TLE3: variants seen among roughly 807,000 people sequenced by gnomAD.
TLE3 encodes transducin-like enhancer protein 3.
Under a neutral mutation model 93.0 loss-of-function variants are expected in TLE3, and 14 were observed. The observed-to-expected ratio is 0.15, with a 90% CI of 0.10 to 0.24. The LOEUF is 0.24. Among genes scored for constraint, TLE3 ranks in the 10% least tolerant of loss-of-function variants. The probability of loss-of-function intolerance (pLI) is 1.00; values close to 1 mark genes in which losing one functional copy is unlikely to be tolerated. For synonymous variants in TLE3, 451 were observed against 425.0 expected (o/e 1.06, Z -0.75); for missense variants, 693 against 1,046.6 (o/e 0.66, Z 4.66).
intron 4 of TLE3, among the ~76,000 whole-genome samples, chr15:70,078,610 C>A (rs2057575191): frequency 6.6e-6 from 1 of 152,246 alleles, no homozygotes; most frequent in African/African-American, 2.4e-5. Flanking sequence ...CCAGCATGGG[C>A]AGCATCTGTG....
chr15:70,095,751 G>C (rs1264632044), intron 2 of TLE3, 110 bp from the exon 3 acceptor site: 25 of 1,357,828 alleles, frequency 1.8e-5, no homozygotes, highest in Non-Finnish European at 2.5e-5. Context: ...CACCCCCCCG[G>C]GGGCGCCCCC....
intron 17 of TLE3, chr15:70,052,974 A>T: frequency 2.1e-5 from 10 of 471,600 alleles, no homozygotes; most frequent in South Asian, 1.7e-4. Context: ...GACGCCGAGG[A>T]CAAAGTGCTC....
chr15:70,096,205 G>A lies in TLE3; in HGVS notation c.81C>T (p.Asp27=), dbSNP rs762722522. ...GGAACTGGAATTCGTCTTTGATCCT[G>A]TCACAAGACTCAGCCACCGTGAATT... ...GFKFTVAESC[D]RIKDEFQFLQ... is the part of the protein sequence containing the mutation. Residue 27 remains aspartate (D), a synonymous_variant, in exon 2 of 20, where the codon GAC becomes GAT. Transcript: ENST00000451782. 5.8e-6 allele frequency: 9 copies of A among 1,562,136 alleles called. No homozygotes were observed. In the East Asian group the frequency reaches 7.2e-5, roughly 12 times the overall value.
Position 70,093,739 on chromosome 15 carries a change from T to C in TLE3, c.234+793A>G, listed in dbSNP as rs533770024. Among the ~76,000 whole-genome samples the C allele has an allele frequency of 2.6e-5, 4 of 152,348 alleles. No homozygotes were observed. In the South Asian group the frequency reaches 8.3e-4, roughly 32 times the overall value. ...AAAGGGTGTTTGTATTTGCTCGGTT[T>C]GAGGTATACTGTTATTAGAAGAGTG... On this transcript the variant is annotated intron_variant, in intron 4 of 19. Transcript: ENST00000451782.
chr15:70,094,784 T>C, intron 3 of TLE3: 1 of 557,462 alleles, frequency 1.8e-6, no homozygotes, highest in Non-Finnish European at 3.2e-6. Flanking sequence ...GAACGTTATA[T>C]TATGTGGTAG....
In TLE3 at chr15:70,048,743, AC is replaced by A. The variant is rs1040605480; in HGVS notation, c.*1353del. On this transcript the variant is annotated 3_prime_UTR_variant, in exon 20 of 20. Coordinates refer to ENST00000451782, the MANE Select transcript of TLE3 (RefSeq NM_001105192.3). ...TGGCACCTGCCAGAGGCGATAGTCT[AC>A]CTAACCTGTTTGGGCCACAAGAGAC... The A allele has an allele frequency of 1.3e-5, 2 of 152,086 alleles. No homozygotes were observed. Among genetic ancestry groups the A allele is most frequent in the Non-Finnish European group, 2.9e-5 (2 of 68,028 alleles). The allele number at this position is 152,086 out of a possible 1,614,324, so 9.4% of individuals were successfully genotyped here.
intron 4 of TLE3, among the ~76,000 whole-genome samples, chr15:70,091,188 A>G (rs1318462808): frequency 6.6e-6 from 1 of 152,248 alleles, no homozygotes; most frequent in Non-Finnish European, 1.5e-5. Flanking sequence ...ACTTACAGGA[A>G]AGGTTGTTCA....
At chr15:70,077,302 T>C (rs2057494954) in intron 4 of TLE3, among the ~76,000 whole-genome samples, 1 of 152,204 alleles carries the variant, frequency 6.6e-6, no homozygotes, top group Admixed American at 6.5e-5. Flanking sequence ...GAATTGCTTT[T>C]CTTATCTCAT....
intron 1 of TLE3, 186 bp from the exon 2 acceptor site, chr15:70,096,447 G>C: frequency 4.1e-6 from 5 of 1,215,682 alleles, no homozygotes; most frequent in Admixed American, 5.6e-5. Flanking sequence ...CGTCGGCAGC[G>C]GGGCTCCCAT....
intron 1 of TLE3, 29 bp from the exon 2 acceptor site, chr15:70,096,290 G>A: frequency 1.3e-6 from 2 of 1,549,950 alleles, no homozygotes; most frequent in Admixed American, 2.0e-5. Context: ...AGACAGGGGA[G>A]GGGGCGGGGG....
At chr15:70,072,665 C>T (rs2057245742) in intron 6 of TLE3, among the ~76,000 whole-genome samples, 1 of 152,230 alleles carries the variant, frequency 6.6e-6, no homozygotes, top group Non-Finnish European at 1.5e-5. Context: ...CTTCCCCTCT[C>T]TGTAAAACAA....
intron 3 of TLE3, 84 bp from the exon 4 acceptor site, chr15:70,094,660 G>T: frequency 9.7e-7 from 1 of 1,028,638 alleles, no homozygotes; most frequent in Non-Finnish European, 1.4e-6. Flanking sequence ...GAAAGGTTTT[G>T]GCCAAATCAT....
intron 14 of TLE3, 62 bp downstream of exon 14, chr15:70,056,236 G>C (rs2056014284): frequency 6.5e-7 from 1 of 1,535,024 alleles, no homozygotes; most frequent in East Asian, 2.2e-5. Flanking sequence ...GTTGGAATTG[G>C]GGGTAGAGTG....
Position 70,049,362 on chromosome 15 carries a change from C to T in TLE3, c.*735G>A, listed in dbSNP as rs901886478. 1 of 152,254 alleles carries T rather than the reference C, an allele frequency of 6.6e-6. No homozygotes were observed. Among genetic ancestry groups the T allele is most frequent in the Non-Finnish European group, 1.5e-5 (1 of 68,056 alleles). The allele number at this position is 152,254 out of a possible 1,614,324, so 9.4% of individuals were successfully genotyped here. A position where few individuals can be genotyped will look rare whatever the true frequency, so the allele number is the denominator to read the frequency against. ...CAGTCTGGCCGGCTGGTTATCAGTC[C>T]GGATGCCCAGACCCGTGTGGAGGCA... On this transcript the variant is annotated 3_prime_UTR_variant, in exon 20 of 20. Transcript: ENST00000451782.
At chr15:70,059,575 C>A in intron 9 of TLE3, 115 bp from the exon 10 acceptor site, 1 of 976,748 alleles carries the variant, frequency 1.0e-6, no homozygotes, top group Non-Finnish European at 1.5e-6. Context: ...AGGCCAAACC[C>A]CAAAGTCCAT....
At position 70,055,070 on chromosome 15, in the gene TLE3, G is replaced by T. The variant is rs751485225; in HGVS notation, c.1557C>A (p.Pro519=). ...TCACCAGGCAGTCCAGCTGGGAGAT[G>T]GGGCTCTTGCTGCCTGGCTGGCTGA... ...WDISQPGSKS[P]ISQLDCLNRD... The change falls in exon 15 of 20, where the codon CCC becomes CCA. Residue 519 remains proline, a synonymous_variant. Coordinates refer to ENST00000451782, the MANE Select transcript of TLE3 (RefSeq NM_001105192.3). 8.1e-6 allele frequency: 13 copies of T among 1,612,536 alleles called. No individual in the cohort carries two copies. The Admixed American group carries it at 2.2e-4, about 27-fold the overall frequency.
chr15:70,097,779 A>AAC lies in TLE3; in HGVS notation c.-983_-982dup, dbSNP rs377109080. On this transcript the variant is annotated 5_prime_UTR_variant, in exon 1 of 20. Transcript: ENST00000451782. The stretch of plus-strand genomic sequence containing the variant: ...GCAAACCCCCAAAACACACACACCC[A>AAC]ACACACACACACGCGCGCACGCACA... 11 of 382,142 alleles carry AAC rather than the reference A, an allele frequency of 2.9e-5. No homozygotes were observed. The highest frequency in any genetic ancestry group is 1.7e-4 in the African/African-American group (8 of 47,502). 23.7% of individuals were successfully genotyped at this position (382,142 alleles called of 1,614,324 possible).
At chr15:70,053,167 G>C in intron 17 of TLE3, 60 bp downstream of exon 17, 3 of 1,550,916 alleles carry the variant, frequency 1.9e-6, no homozygotes, top group Non-Finnish European at 2.6e-6. Flanking sequence ...CCAGCCACTG[G>C]GGCCCCGGAG....
intron 4 of TLE3, among the ~76,000 whole-genome samples, chr15:70,081,813 C>A (rs2057792922): frequency 6.6e-6 from 1 of 152,174 alleles, no homozygotes. Flanking sequence ...GGGACCTGCC[C>A]ATTTGAAAGG....
Sources: gnomAD v4.1 joint callset for allele counts (sites outside exome capture counted in the v4.1 genomes callset) on GRCh38, gnomAD v4.1.1 for gene constraint, MANE v1.5 for transcripts, NCBI Gene and HGNC (gene_info 2026-07-23, HGNC 2026-07-21) for gene names.